PWWP2A: variants seen among roughly 807,000 people sequenced by gnomAD.
PWWP2A encodes PWWP domain containing 2A.
PWWP2A carries 18 observed loss-of-function variants against 48.5 expected under a neutral mutation model. The observed-to-expected ratio is 0.37, with a 90% CI of 0.26 to 0.55. The LOEUF is 0.55. Ranked by LOEUF, PWWP2A falls within the 20% of genes least tolerant of loss-of-function variation. The pLI, the probability that PWWP2A is intolerant of heterozygous loss-of-function variation, is 0.81. For synonymous variants in PWWP2A, 396 were observed against 387.7 expected (o/e 1.02, Z -0.25); for missense variants, 867 against 976.4 (o/e 0.89, Z 1.49).
the PWWP2A span, among the ~76,000 whole-genome samples, chr5:160,050,647 T>G: frequency 1.7e-5 from 2 of 114,704 alleles, no homozygotes; most frequent in South Asian, 5.7e-4. Flanking sequence ...TTTTTTTTTT[T>G]GAGAAAGGGT....
chr5:160,062,045 C>T (rs567781574), exon 6 of PWWP2A: 1 of 152,414 alleles, frequency 6.6e-6, no homozygotes, highest in Admixed American at 6.5e-5. Context: ...GGAAGGGTGG[C>T]CTCTGCATGA....
the PWWP2A span, among the ~76,000 whole-genome samples, chr5:160,045,293 T>C: frequency 6.6e-6 from 1 of 152,160 alleles, no homozygotes; most frequent in Non-Finnish European, 1.5e-5. Flanking sequence ...GAAAGTGTTT[T>C]CCAACCAAAG....
chr5:160,105,286 C>T (rs147264003), intron 1 of PWWP2A, among the ~76,000 whole-genome samples: 1,532 of 143,166 alleles, frequency 0.011, 28 homozygotes, highest in African/African-American at 0.038. Flanking sequence ...CGGTGGCTCA[C>T]AGCTGTAATC....
At chr5:160,091,106 GA>G (rs1755021199), downstream of PWWP2A, 1 of 983,826 alleles carries the variant, frequency 1.0e-6, no homozygotes, top group African/African-American at 1.7e-5. Flanking sequence ...GCAGGAAGGG[GA>G]TATCAAATCT....
At chr5:160,076,518 TGATAA>T (rs766407807) in exon 4 of PWWP2A, 21 of 152,318 alleles carry the variant, frequency 1.4e-4, no homozygotes, top group Non-Finnish European at 2.6e-4. Context: ...TTTTCTGATT[TGATAA>T]AATATATAAT....
downstream of PWWP2A, among the ~76,000 whole-genome samples, chr5:160,071,032 A>G (rs571671500): frequency 6.6e-6 from 1 of 152,242 alleles, no homozygotes; most frequent in African/African-American, 2.4e-5. Context: ...TAGTAAAAAT[A>G]CAAAAAGTTA....
intron 1 of PWWP2A, among the ~76,000 whole-genome samples, chr5:160,106,222 C>T (rs1274909368): frequency 6.6e-6 from 1 of 152,080 alleles, no homozygotes; most frequent in African/African-American, 2.4e-5. Flanking sequence ...TTTCAAACCC[C>T]GGAAAATTTT....
At chr5:160,074,876 A>G (rs1753831108), downstream of PWWP2A, among the ~76,000 whole-genome samples, 1 of 152,126 alleles carries the variant, frequency 6.6e-6, no homozygotes, top group African/African-American at 2.4e-5. Flanking sequence ...AGGCAGGAGG[A>G]TCACTTGAGC....
intron 2 of PWWP2A, among the ~76,000 whole-genome samples, chr5:160,070,536 G>C (rs1753717626): frequency 1.3e-5 from 2 of 152,158 alleles, no homozygotes; most frequent in Non-Finnish European, 2.9e-5. Context: ...TCCATCACAA[G>C]CACTGCAGCC....
At chr5:160,081,293 C>T (rs1279644555) in intron 2 of PWWP2A, among the ~76,000 whole-genome samples, 5 of 135,530 alleles carry the variant, frequency 3.7e-5, no homozygotes, top group African/African-American at 1.4e-4. Context: ...GGCTGGAGTG[C>T]AGTGGCACGA....
downstream of PWWP2A, among the ~76,000 whole-genome samples, chr5:160,086,965 G>A (rs61054633): frequency 8.5e-4 from 129 of 152,222 alleles, 4 homozygotes; most frequent in East Asian, 0.024. Flanking sequence ...AAACAAATAT[G>A]CCTTGATATA....
chr5:160,094,814 G>A (rs556599159), intron 1 of PWWP2A, among the ~76,000 whole-genome samples: 3 of 152,018 alleles, frequency 2.0e-5, no homozygotes, highest in East Asian at 1.9e-4. Context: ...TTGGGAGGCC[G>A]AGGTGGGCAG....
chr5:160,056,820 T>C (rs1757559512), downstream of PWWP2A, among the ~76,000 whole-genome samples: 1 of 152,174 alleles, frequency 6.6e-6, no homozygotes, highest in Non-Finnish European at 1.5e-5. Flanking sequence ...GTTCAGCATA[T>C]TCTTCTGGCT....
At chr5:160,100,224 CTGGGAGACGG>C (rs1303250591) in intron 1 of PWWP2A, among the ~76,000 whole-genome samples, 2 of 152,044 alleles carry the variant, frequency 1.3e-5, no homozygotes, top group African/African-American at 4.8e-5. Context: ...CGGTTTAAGC[CTGGGAGACGG>C]TGGCTGCAGT....
chr5:160,113,740 A>T (rs1757824258), intron 1 of PWWP2A, among the ~76,000 whole-genome samples: 1 of 152,176 alleles, frequency 6.6e-6, no homozygotes, highest in South Asian at 2.1e-4. Context: ...CAACAACTAT[A>T]TCCTTTATAT....
intron 1 of PWWP2A, 116 bp from the exon 2 acceptor site, chr5:160,094,181 A>G: frequency 1.6e-6 from 2 of 1,250,332 alleles, no homozygotes; most frequent in Non-Finnish European, 2.1e-6. Context: ...AAACTATTTC[A>G]TATTAAAAAA....
chr5:160,075,112 G>A (rs1753837222), downstream of PWWP2A, among the ~76,000 whole-genome samples: 2 of 152,290 alleles, frequency 1.3e-5, no homozygotes, highest in East Asian at 3.9e-4. Context: ...TACATGACCA[G>A]GATCAGTATG....
rs547137083 is a variant in PWWP2A at position 160,092,011 on chromosome 5, C to T, written c.*371G>A. On this transcript the variant is annotated 3_prime_UTR_variant, in exon 2 of 2. Coordinates refer to ENST00000307063, the MANE Select transcript of PWWP2A (RefSeq NM_001130864.2). ...ATATATGTGTGTATATATACATACA[C>T]GGATATATATATATACACACACACA... 83 of 251,504 alleles carry T rather than the reference C, an allele frequency of 3.3e-4. 3 individuals carry two copies. In the Admixed American group the frequency reaches 5.1e-3, roughly 15 times the overall value. 15.6% of individuals were successfully genotyped at this position (251,504 alleles called of 1,614,324 possible).
chr5:160,113,257 T>C, intron 1 of PWWP2A: 1 of 980,678 alleles, frequency 1.0e-6, no homozygotes, highest in Non-Finnish European at 1.2e-6. Flanking sequence ...GTTATGTATG[T>C]CCAGCTCCTT....
Sources: allele counts gnomAD v4.1 joint callset (sites outside exome capture counted in the v4.1 genomes callset), GRCh38; gene constraint gnomAD v4.1.1; transcripts MANE v1.5; gene names NCBI Gene and HGNC (gene_info 2026-07-23, HGNC 2026-07-21).